TTC7A: variants seen among roughly 807,000 people sequenced by gnomAD.
The protein encoded by TTC7A is tetratricopeptide repeat domain 7A.
Under a neutral mutation model 103.7 loss-of-function variants are expected in TTC7A, and 110 were observed. That is an observed-to-expected ratio of 1.06 (90% CI 0.91 to 1.24). The LOEUF (loss-of-function observed/expected upper bound fraction) is 1.24, where lower values mean the gene tolerates loss of function less well. TTC7A is among the 50% of genes most tolerant of loss of function. The pLI is 0.00. For missense variants in TTC7A, 1,340 were observed against 1,116.3 expected (o/e 1.20, Z -2.86); for synonymous variants, 521 against 467.9 (o/e 1.11, Z -1.47).
At chr2:46,985,964 C>G (rs1409461673) in intron 5 of TTC7A, among the ~76,000 whole-genome samples, 1 of 152,224 alleles carries the variant, frequency 6.6e-6, no homozygotes, top group Non-Finnish European at 1.5e-5. Context: ...AGCAACGTCT[C>G]TGGCTTCCAC....
intron 19 of TTC7A, among the ~76,000 whole-genome samples, chr2:47,065,281 C>T (rs935045476): frequency 3.9e-5 from 6 of 152,088 alleles, no homozygotes; most frequent in Admixed American, 2.0e-4. Context: ...AGCGAGACTC[C>T]GTCTCAAAAA....
At chr2:46,985,393 C>G (rs1189570220) in intron 5 of TTC7A, among the ~76,000 whole-genome samples, 1 of 152,208 alleles carries the variant, frequency 6.6e-6, no homozygotes, top group African/African-American at 2.4e-5. Flanking sequence ...GTTACTCAGC[C>G]CCTGTGTCTG....
At chr2:47,047,895 C>T (rs1213523694) in intron 16 of TTC7A, among the ~76,000 whole-genome samples, 1 of 152,224 alleles carries the variant, frequency 6.6e-6, no homozygotes, top group Non-Finnish European at 1.5e-5. Context: ...AGAATCCTCC[C>T]TGTCTCCTGG....
chr2:46,956,531 G>A (rs948996060), intron 2 of TTC7A: 1 of 337,260 alleles, frequency 3.0e-6, no homozygotes, highest in Admixed American at 4.0e-5. Context: ...GTCTTTGGGG[G>A]GATTCAGGAG....
intron 5 of TTC7A, among the ~76,000 whole-genome samples, chr2:46,982,425 G>T (rs1674566513): frequency 6.6e-6 from 1 of 152,158 alleles, no homozygotes. Context: ...GAAACAGGCT[G>T]CCTCCCTTTC....
intron 3 of TTC7A, among the ~76,000 whole-genome samples, chr2:46,968,249 C>A (rs1377667016): frequency 6.6e-6 from 1 of 152,194 alleles, no homozygotes; most frequent in Non-Finnish European, 1.5e-5. Context: ...TGCAAGGGAC[C>A]TTTCCTAGAG....
At chr2:46,973,006 G>C (rs76234776) in intron 3 of TTC7A, among the ~76,000 whole-genome samples, 316 of 152,338 alleles carry the variant, frequency 2.1e-3, no homozygotes, top group African/African-American at 6.9e-3. Flanking sequence ...CTGTGGCCCA[G>C]ATGGTATTGG....
At chr2:46,953,679 G>A (rs923249339) in intron 2 of TTC7A, among the ~76,000 whole-genome samples, 1 of 152,150 alleles carries the variant, frequency 6.6e-6, no homozygotes, top group Admixed American at 6.6e-5. Context: ...CAGTTGTGTG[G>A]AGATCAGTGA....
At chr2:47,027,442 A>T (rs1292795588) in intron 14 of TTC7A, among the ~76,000 whole-genome samples, 1 of 152,252 alleles carries the variant, frequency 6.6e-6, no homozygotes, top group African/African-American at 2.4e-5. Flanking sequence ...CTCTGCTGCT[A>T]ACTTGCTCTG....
chr2:47,009,552 G>A (rs1424546215), intron 10 of TTC7A, among the ~76,000 whole-genome samples: 1 of 152,156 alleles, frequency 6.6e-6, no homozygotes, highest in African/African-American at 2.4e-5. Context: ...CGGGGAAAAG[G>A]GGAGGCCAGC....
intron 19 of TTC7A, among the ~76,000 whole-genome samples, chr2:47,070,565 A>G (rs1684592831): frequency 6.6e-6 from 1 of 152,186 alleles, no homozygotes; most frequent in African/African-American, 2.4e-5. Context: ...GATCACATCC[A>G]TGAGCCCCAC....
chr2:47,011,486 C>T (rs748279562), intron 11 of TTC7A, 51 bp downstream of exon 11: 5 of 1,437,212 alleles, frequency 3.5e-6, no homozygotes, highest in Non-Finnish European at 4.8e-6. Flanking sequence ...GGGAGGGTGG[C>T]AGCAGCTGGC....
intron 8 of TTC7A, among the ~76,000 whole-genome samples, chr2:47,000,442 GC>G (rs1364711981): frequency 6.6e-6 from 1 of 152,220 alleles, no homozygotes; most frequent in Non-Finnish European, 1.5e-5. Context: ...AGGTGGGAGA[GC>G]CTCTCTCTCT....
chr2:47,009,932 C>T (rs568705615), intron 10 of TTC7A, among the ~76,000 whole-genome samples: 2 of 142,638 alleles, frequency 1.4e-5, no homozygotes, highest in African/African-American at 2.7e-5. Flanking sequence ...GGAGGGGGCG[C>T]GCAGGGAAAC....
intron 5 of TTC7A, among the ~76,000 whole-genome samples, chr2:46,987,671 T>G (rs1276217788): frequency 6.6e-6 from 1 of 152,190 alleles, no homozygotes; most frequent in Non-Finnish European, 1.5e-5. Flanking sequence ...CTTTTAATTT[T>G]GTTTTAATTA....
chr2:46,965,955 T>C (rs2104121944), intron 3 of TTC7A, among the ~76,000 whole-genome samples: 1 of 149,632 alleles, frequency 6.7e-6, no homozygotes. Context: ...AAGTGCATAC[T>C]TTTTTTTTTC....
intron 12 of TTC7A, 85 bp from the exon 13 acceptor site, chr2:47,023,323 G>A: frequency 7.0e-7 from 1 of 1,437,346 alleles, no homozygotes; most frequent in South Asian, 1.2e-5. Context: ...TATCTGCAGA[G>A]CTGTGTGCTT....
chr2:47,069,828 C>T (rs1400860042), intron 19 of TTC7A, among the ~76,000 whole-genome samples: 1 of 152,230 alleles, frequency 6.6e-6, no homozygotes, highest in Non-Finnish European at 1.5e-5. Flanking sequence ...AGGCTCCTCC[C>T]AGCAGCCCTG....
At chr2:47,038,629 T>TCCC (rs1558612925) in intron 15 of TTC7A, among the ~76,000 whole-genome samples, 1 of 86,940 alleles carries the variant, frequency 1.2e-5, no homozygotes. Context: ...TGCTGCCACT[T>TCCC]CCCACCCACC....
Sources: gnomAD v4.1 joint callset for allele counts (sites outside exome capture counted in the v4.1 genomes callset) on GRCh38, gnomAD v4.1.1 for gene constraint, MANE v1.5 for transcripts, NCBI Gene and HGNC (gene_info 2026-07-23, HGNC 2026-07-21) for gene names.